Variants in RAD51B observed in about 807,000 individuals in gnomAD.
RAD51B encodes RAD51 paralog B.
A neutral mutation model predicts 42.2 loss-of-function variants in RAD51B; 38 were observed. The ratio of observed to expected loss-of-function variants is 0.90; its 90% CI spans 0.70 to 1.18. The LOEUF is 1.18. Among genes scored for constraint, RAD51B ranks in the 50% most tolerant of loss-of-function variants. The pLI, the probability that RAD51B is intolerant of heterozygous loss-of-function variation, is 0.00. For synonymous variants in RAD51B, 154 were observed against 145.2 expected (o/e 1.06, Z -0.43); for missense variants, 373 against 400.7 (o/e 0.93, Z 0.59).
chr14:68,529,460 G>C (rs1887139735), intron 10 of RAD51B, among the ~76,000 whole-genome samples: 1 of 152,182 alleles, frequency 6.6e-6, no homozygotes, highest in Non-Finnish European at 1.5e-5. Flanking sequence ...AGCTTACTAG[G>C]AAAGAACGTT....
intron 7 of RAD51B, among the ~76,000 whole-genome samples, chr14:67,894,282 G>A (rs1484436548): frequency 6.6e-6 from 1 of 152,086 alleles, no homozygotes; most frequent in East Asian, 1.9e-4. Flanking sequence ...TTTTAACAAG[G>A]CTGCAAGTGC....
intron 7 of RAD51B, among the ~76,000 whole-genome samples, chr14:67,964,981 C>G (rs4902541): frequency 0.06 from 9,112 of 152,226 alleles, 641 homozygotes; most frequent in African/African-American, 0.17. Context: ...CTCAATTATC[C>G]TGGCACACGT....
intron 7 of RAD51B, among the ~76,000 whole-genome samples, chr14:68,090,171 A>G (rs1246471642): frequency 1.3e-5 from 2 of 152,218 alleles, no homozygotes; most frequent in Admixed American, 6.5e-5. Context: ...TCAGACCTTT[A>G]TATCAAGAGC....
intron 10 of RAD51B, among the ~76,000 whole-genome samples, chr14:68,554,944 G>A (rs1377683698): frequency 6.6e-6 from 1 of 151,756 alleles, no homozygotes; most frequent in Non-Finnish European, 1.5e-5. Flanking sequence ...CACCTCCAGG[G>A]TTCAAGTGAG....
intron 10 of RAD51B, among the ~76,000 whole-genome samples, chr14:68,516,804 A>G (rs1367820990): frequency 6.6e-6 from 1 of 152,234 alleles, no homozygotes; most frequent in East Asian, 1.9e-4. Context: ...CAAATTTGAT[A>G]TATTTCTTGA....
rs184724008 is a variant in RAD51B, at chr14:68,431,745, A to G, written c.957+20218A>G. Among the ~76,000 whole-genome samples the G allele has an allele frequency of 4.5e-3, 685 of 151,986 alleles. 10 individuals are homozygous for G. Among genetic ancestry groups the G allele is most frequent in the African/African-American group, 0.016 (657 of 41,460 alleles). On this transcript the variant is annotated intron_variant, in intron 9 of 10. Transcript: ENST00000471583. ...TTTTTGAAGGGTTTTTTATGTCTCTATCTCTTTCAGTTCTGCTCCGATCTT... is the reference window on the plus strand; with the variant it reads ...TTTTTGAAGGGTTTTTTATGTCTCTGTCTCTTTCAGTTCTGCTCCGATCTT...
chr14:68,092,606 C>T (rs1299428941), intron 7 of RAD51B, among the ~76,000 whole-genome samples: 2 of 152,122 alleles, frequency 1.3e-5, no homozygotes, highest in Admixed American at 6.6e-5. Flanking sequence ...TGGGTTGCGA[C>T]GATGGGGTTT....
chr14:68,380,149 G>A (rs1053190929), intron 8 of RAD51B, among the ~76,000 whole-genome samples: 4 of 152,088 alleles, frequency 2.6e-5, no homozygotes, highest in East Asian at 1.9e-4. Context: ...AGATGTTCTC[G>A]TGCTTAAAGT....
At chr14:68,493,465 G>C (rs780043250) in intron 10 of RAD51B, among the ~76,000 whole-genome samples, 1 of 152,008 alleles carries the variant, frequency 6.6e-6, no homozygotes, top group African/African-American at 2.4e-5. Flanking sequence ...CTTCCACCCT[G>C]GCCATACTAA....
intron 8 of RAD51B, among the ~76,000 whole-genome samples, chr14:68,375,120 T>TA (rs2083340702): frequency 6.6e-6 from 1 of 152,196 alleles, no homozygotes; most frequent in East Asian, 1.9e-4. Flanking sequence ...AACTTAGCGT[T>TA]ACCCTATTTA....
chr14:68,277,392 A>T (rs1435174562), intron 7 of RAD51B, among the ~76,000 whole-genome samples: 1 of 152,210 alleles, frequency 6.6e-6, no homozygotes, highest in Non-Finnish European at 1.5e-5. Flanking sequence ...CATGGAGGTT[A>T]TTCTTTCACC....
intron 9 of RAD51B, among the ~76,000 whole-genome samples, chr14:68,413,413 A>G (rs1277817953): frequency 6.6e-6 from 1 of 152,236 alleles, no homozygotes; most frequent in African/African-American, 2.4e-5. Flanking sequence ...TACAAAAGAC[A>G]ACTTGTTACT....
At chr14:68,011,209 C>T (rs974403408) in intron 7 of RAD51B, among the ~76,000 whole-genome samples, 4 of 152,012 alleles carry the variant, frequency 2.6e-5, no homozygotes, top group African/African-American at 9.7e-5. Flanking sequence ...TACCAGTAAT[C>T]AACTCATATC....
intron 10 of RAD51B, among the ~76,000 whole-genome samples, chr14:68,603,115 C>T (rs1258669005): frequency 6.6e-6 from 1 of 152,192 alleles, no homozygotes; most frequent in Admixed American, 6.5e-5. Context: ...TCTAGTGTCT[C>T]AAGGCCAGAG....
chr14:68,538,373 C>T (rs1887763401), intron 10 of RAD51B, among the ~76,000 whole-genome samples: 1 of 152,188 alleles, frequency 6.6e-6, no homozygotes, highest in Non-Finnish European at 1.5e-5. Context: ...TCTCTGCTGC[C>T]CTGTATCTGT....
chr14:68,081,641 G>A (rs1277463831), intron 7 of RAD51B, among the ~76,000 whole-genome samples: 1 of 152,218 alleles, frequency 6.6e-6, no homozygotes, highest in African/African-American at 2.4e-5. Flanking sequence ...CACTGAATGA[G>A]AGCTCTGAAG....
At chr14:68,031,858 A>C in intron 7 of RAD51B, among the ~76,000 whole-genome samples, 1 of 152,310 alleles carries the variant, frequency 6.6e-6, no homozygotes, top group East Asian at 1.9e-4. Context: ...ATATTCTCCC[A>C]TGATTATTTT....
At chr14:67,966,559 C>T (rs753468847) in intron 7 of RAD51B, among the ~76,000 whole-genome samples, 3 of 152,218 alleles carry the variant, frequency 2.0e-5, no homozygotes, top group Admixed American at 6.5e-5. Flanking sequence ...CAGCTGCCTA[C>T]CCACCAATGC....
intron 4 of RAD51B, among the ~76,000 whole-genome samples, chr14:67,835,694 A>T (rs1444351892): frequency 6.6e-6 from 1 of 151,698 alleles, no homozygotes; most frequent in Non-Finnish European, 1.5e-5. Context: ...TACCAAAAAA[A>T]AAATAAAAAA....
Sources: gnomAD v4.1 joint callset for allele counts (sites outside exome capture counted in the v4.1 genomes callset) on GRCh38, gnomAD v4.1.1 for gene constraint, MANE v1.5 for transcripts, NCBI Gene and HGNC (gene_info 2026-07-23, HGNC 2026-07-21) for gene names.